Variants in BTBD9 observed in about 807,000 individuals in gnomAD.
BTBD9 encodes BTB domain containing 9.
A neutral mutation model predicts 64.3 loss-of-function variants in BTBD9; 49 were observed. The observed-to-expected ratio is 0.76, with a 90% confidence interval of 0.61 to 0.97. The LOEUF (loss-of-function observed/expected upper bound fraction) is 0.97, where lower values mean the gene tolerates loss of function less well. Ranked by LOEUF, BTBD9 falls within the 50% of genes least tolerant of loss-of-function variation. The pLI is 0.00. For synonymous variants in BTBD9, 260 were observed against 274.7 expected (o/e 0.95, Z 0.53); for missense variants, 598 against 762.1 (o/e 0.78, Z 2.53).
rs1318691637 is a variant in BTBD9, at chr6:38,414,195, G to A, written c.1155-69102C>T. 2.0e-5 allele frequency among the ~76,000 whole-genome samples: 3 copies of A among 152,178 alleles called. No homozygotes were observed. In the South Asian group the frequency reaches 6.2e-4, roughly 32 times the overall value. On this transcript the variant is annotated intron_variant, in intron 6 of 10. Transcript: ENST00000481247. ...ACAAAAACAAAATCATTGCTATTCAGTACCTTGTGCTTGTGAAGGTGCTTA... is the reference window on the plus strand; with the variant it reads ...ACAAAAACAAAATCATTGCTATTCAATACCTTGTGCTTGTGAAGGTGCTTA...
At chr6:38,530,505 C>CACCAGAGACCAAT (rs1554166635) in intron 6 of BTBD9, among the ~76,000 whole-genome samples, 1 of 143,108 alleles carries the variant, frequency 7.0e-6, no homozygotes, top group South Asian at 2.2e-4. Context: ...CTTCTGGTGG[C>CACCAGAGACCAAT]CCAACTGTAA....
chr6:38,378,561 C>G (rs552966046), intron 6 of BTBD9, among the ~76,000 whole-genome samples: 1 of 148,162 alleles, frequency 6.7e-6, no homozygotes, highest in South Asian at 2.3e-4. Flanking sequence ...AACTTAAATT[C>G]TCTTAAAAGT....
At position 38,598,037 on chromosome 6, in the gene BTBD9, G is replaced by A; in HGVS notation, c.58C>T (p.His20Tyr). Reference sequence around the variant, plus strand: ...GCACCAATATGTTCAGACAAAATGTGCACATGATCAATTTCCCCCACTGCA... The same window carrying A: ...GCACCAATATGTTCAGACAAAATGTACACATGATCAATTTCCCCCACTGCA... ...FTAVGEIDHV[H>Y]ILSEHIGALL... The change falls in exon 2 of 11, where the codon CAC becomes TAC. Residue 20 changes from histidine to tyrosine, a missense_variant. His to Tyr is a moderately conservative substitution (Grantham distance 83). Coordinates refer to ENST00000481247, the MANE Select transcript of BTBD9 (RefSeq NM_001099272.2). The A allele has an allele frequency of 6.2e-7, 1 of 1,613,940 alleles. No individual in the cohort carries two copies. The highest frequency in any genetic ancestry group is 1.1e-5 in the South Asian group (1 of 91,070).
At chr6:38,305,728 C>A (rs1300373624) in intron 7 of BTBD9, among the ~76,000 whole-genome samples, 1 of 152,114 alleles carries the variant, frequency 6.6e-6, no homozygotes, top group Admixed American at 6.5e-5. Context: ...AAGTGATCCA[C>A]CTGCCTCAGC....
At chr6:38,478,653 G>A (rs372220519) in intron 6 of BTBD9, among the ~76,000 whole-genome samples, 23 of 152,266 alleles carry the variant, frequency 1.5e-4, no homozygotes, top group African/African-American at 2.6e-4. Flanking sequence ...CTTGGCTTCC[G>A]GAAGGATTCT....
intron 6 of BTBD9, among the ~76,000 whole-genome samples, chr6:38,375,890 GAAAA>G (rs1765659364): frequency 4.0e-5 from 2 of 50,288 alleles, no homozygotes; most frequent in African/African-American, 1.2e-4. Flanking sequence ...AAGAAAGAAA[GAAAA>G]GAAAGAAAGA....
intron 6 of BTBD9, among the ~76,000 whole-genome samples, chr6:38,450,258 G>A (rs970907340): frequency 2.6e-5 from 4 of 152,156 alleles, no homozygotes; most frequent in African/African-American, 7.2e-5. Flanking sequence ...CAGAGGCTGC[G>A]GTGTTTAGCA....
rs70981538 is a variant in BTBD9 at position 38,303,840 on chromosome 6, GATATATATATAT to G, written c.1265-15391_1265-15380del. Among the ~76,000 whole-genome samples the G allele has an allele frequency of 9.7e-3, 731 of 75,312 alleles. 15 individuals carry two copies. Among genetic ancestry groups the G allele is most frequent in the Middle Eastern group, 0.043 (4 of 94 alleles). The allele number at this position is 75,312 out of a possible 152,430, so 49.4% of individuals were successfully genotyped here. A position where few individuals can be genotyped will look rare whatever the true frequency, so the allele number is the denominator to read the frequency against. The stretch of plus-strand genomic sequence containing the variant: ...TAATATCTAGCAACTTTAGTTGCTA[GATATATATATAT>G]ATATATATATATATATATATATACA... On this transcript the variant is annotated intron_variant, in intron 7 of 10. Coordinates refer to ENST00000481247, the MANE Select transcript of BTBD9 (RefSeq NM_001099272.2).
At chr6:38,372,825 A>G (rs1192179507) in intron 6 of BTBD9, among the ~76,000 whole-genome samples, 2 of 152,174 alleles carry the variant, frequency 1.3e-5, no homozygotes, top group South Asian at 2.1e-4. Flanking sequence ...CATTCCAACC[A>G]TAAGGATCTT....
At chr6:38,483,167 T>C (rs936350859) in intron 6 of BTBD9, among the ~76,000 whole-genome samples, 2 of 151,986 alleles carry the variant, frequency 1.3e-5, no homozygotes, top group African/African-American at 4.8e-5. Flanking sequence ...CTCCCAGTGA[T>C]ACTTTATCTT....
At chr6:38,375,488 AAAAGTCAGCAAGTATT>A (rs1323664710) in intron 6 of BTBD9, among the ~76,000 whole-genome samples, 4 of 152,178 alleles carry the variant, frequency 2.6e-5, no homozygotes, top group African/African-American at 9.6e-5. Flanking sequence ...ACAGAGGATG[AAAAGTCAGCAAGTATT>A]AAAGTCAGAC....
At chr6:38,574,943 G>C (rs1234583822) in intron 6 of BTBD9, among the ~76,000 whole-genome samples, 1 of 152,144 alleles carries the variant, frequency 6.6e-6, no homozygotes, top group Admixed American at 6.5e-5. Context: ...TTTATATGCA[G>C]TTTAGCCTAA....
chr6:38,541,349 G>T (rs1466996146), intron 6 of BTBD9, among the ~76,000 whole-genome samples: 2 of 152,170 alleles, frequency 1.3e-5, no homozygotes, highest in African/African-American at 4.8e-5. Flanking sequence ...AATATTTGAG[G>T]AAAGAAGGGA....
At chr6:38,299,410 T>C (rs1320300774) in intron 7 of BTBD9, among the ~76,000 whole-genome samples, 3 of 152,094 alleles carry the variant, frequency 2.0e-5, no homozygotes, top group Admixed American at 6.6e-5. Context: ...TTTCTAGTTC[T>C]AGATCCCTGA....
intron 7 of BTBD9, among the ~76,000 whole-genome samples, chr6:38,326,103 A>G (rs1470735962): frequency 6.6e-6 from 1 of 152,216 alleles, no homozygotes; most frequent in African/African-American, 2.4e-5. Context: ...AAGAAGTGAC[A>G]TTAATCTGAA....
intron 10 of BTBD9, among the ~76,000 whole-genome samples, chr6:38,182,238 T>G (rs1761590071): frequency 6.6e-6 from 1 of 152,166 alleles, no homozygotes; most frequent in Non-Finnish European, 1.5e-5. Context: ...TAATTGGAAC[T>G]CTGATGCTTG....
At chr6:38,436,294 T>C (rs1296450540) in intron 6 of BTBD9, among the ~76,000 whole-genome samples, 1 of 151,854 alleles carries the variant, frequency 6.6e-6, no homozygotes, top group Non-Finnish European at 1.5e-5. Context: ...AAATACTTTA[T>C]TTTCCAACAC....
At chr6:38,612,894 G>A (rs1777658210) in intron 1 of BTBD9, 1 of 152,054 alleles carries the variant, frequency 6.6e-6, no homozygotes, top group Non-Finnish European at 1.5e-5. Context: ...TGCTCTCTTG[G>A]GCTCATGAGG....
At position 38,303,840 on chromosome 6, in the gene BTBD9, G is replaced by GATATATATATATATAT. The variant is rs70981538; in HGVS notation, c.1265-15395_1265-15380dup. On this transcript the variant is annotated intron_variant, in intron 7 of 10. Coordinates refer to ENST00000481247, the MANE Select transcript of BTBD9 (RefSeq NM_001099272.2). ...TAATATCTAGCAACTTTAGTTGCTAGATATATATATATATATATATATATA... is the reference window on the plus strand; with the variant it reads ...TAATATCTAGCAACTTTAGTTGCTAGATATATATATATATATATATATATATATATATATATATATA... Among the ~76,000 whole-genome samples the GATATATATATATATAT allele has an allele frequency of 2.2e-3, 167 of 75,256 alleles. 1 individual carries two copies. Among genetic ancestry groups the GATATATATATATATAT allele is most frequent in the Non-Finnish European group, 3.0e-3 (102 of 33,458 alleles). 49.4% of individuals were successfully genotyped at this position (75,256 alleles called of 152,430 possible).
Sources: allele counts gnomAD v4.1 joint callset (sites outside exome capture counted in the v4.1 genomes callset), GRCh38; gene constraint gnomAD v4.1.1; transcripts MANE v1.5; gene names NCBI Gene and HGNC (gene_info 2026-07-23, HGNC 2026-07-21).